VWA3A: variants seen among roughly 807,000 people sequenced by gnomAD.
VWA3A encodes the protein von Willebrand factor A domain containing 3A.
A neutral mutation model predicts 160.4 loss-of-function variants in VWA3A; 134 were observed. That is an observed-to-expected ratio of 0.84 (90% confidence interval 0.73 to 0.96). The LOEUF (loss-of-function observed/expected upper bound fraction) is 0.96, where lower values mean the gene tolerates loss of function less well. Ranked by LOEUF, VWA3A falls within the 40% of genes least tolerant of loss-of-function variation. The probability of loss-of-function intolerance (pLI) is 0.00; values close to 1 mark genes in which losing one functional copy is unlikely to be tolerated. For missense variants in VWA3A, 1,310 were observed against 1,447.9 expected (o/e 0.90, Z 1.55); for synonymous variants, 476 against 543.4 (o/e 0.88, Z 1.72).
At position 22,156,010 on chromosome 16, in the gene VWA3A, AAAT is replaced by A; in HGVS notation, c.*15-18_*15-16del. ...GTGGTCAATAATAACTTTGGTTAAA[AAAT>A]AATGATTCCTCTAAACAGAAAAGTC... On this transcript the variant is annotated intron_variant, in intron 33 of 33. Transcript: ENST00000389398. 7.3e-7 allele frequency: 1 copy of A among 1,365,310 alleles called. No individual in the cohort carries two copies. The highest frequency in any genetic ancestry group is 1.0e-6 in the Non-Finnish European group (1 of 979,618). 84.6% of individuals were successfully genotyped at this position (1,365,310 alleles called of 1,614,324 possible).
At position 22,150,130 on chromosome 16, in the gene VWA3A, G is replaced by A. The variant is rs140421793; in HGVS notation, c.3129+199G>A. Reference sequence around the variant, plus strand: ...ATAGATGAAGACACAGGCTGGGTGCGGTGGCTCACACCTGTAATCCCAGCA... The same window carrying A: ...ATAGATGAAGACACAGGCTGGGTGCAGTGGCTCACACCTGTAATCCCAGCA... On this transcript the variant is annotated intron_variant, in intron 29 of 33. Coordinates refer to ENST00000389398, the MANE Select transcript of VWA3A (RefSeq NM_173615.5). Among the ~76,000 whole-genome samples the A allele has an allele frequency of 3.5e-4, 53 of 152,256 alleles. 1 individual carries two copies. Among genetic ancestry groups the A allele is most frequent in the East Asian group, 3.5e-3 (18 of 5,188 alleles).
chr16:22,096,018 C>A (rs1012137063), intron 1 of VWA3A, among the ~76,000 whole-genome samples: 1 of 152,074 alleles, frequency 6.6e-6, no homozygotes, highest in Non-Finnish European at 1.5e-5. Flanking sequence ...CAACTAGGGA[C>A]AATTCTGCTG....
chr16:22,101,021 T>C (rs2045401193), intron 5 of VWA3A, among the ~76,000 whole-genome samples: 1 of 151,156 alleles, frequency 6.6e-6, no homozygotes, highest in Non-Finnish European at 1.5e-5. Flanking sequence ...GCATGTCTCT[T>C]CCCACTTCTA....
intron 17 of VWA3A, among the ~76,000 whole-genome samples, chr16:22,127,369 G>A (rs1055688838): frequency 2.6e-5 from 4 of 151,930 alleles, no homozygotes; most frequent in East Asian, 1.9e-4. Context: ...CAAGTAATCC[G>A]CCTGCCTCAG....
At chr16:22,124,041 G>A (rs1478944102) in intron 16 of VWA3A, among the ~76,000 whole-genome samples, 1 of 151,936 alleles carries the variant, frequency 6.6e-6, no homozygotes, top group Non-Finnish European at 1.5e-5. Context: ...TGGGCATGGT[G>A]GTGTACACCT....
intron 17 of VWA3A, among the ~76,000 whole-genome samples, chr16:22,129,899 A>T (rs936841394): frequency 3.9e-5 from 6 of 152,190 alleles, no homozygotes; most frequent in African/African-American, 1.4e-4. Flanking sequence ...CTAAAGGAGT[A>T]CCTGAAGGTC....
At chr16:22,147,699 AC>A in intron 27 of VWA3A, 1 of 701,412 alleles carries the variant, frequency 1.4e-6, no homozygotes, top group Non-Finnish European at 2.6e-6. Flanking sequence ...GCCTCTCTCC[AC>A]CCTCGGTTCA....
intron 14 of VWA3A, among the ~76,000 whole-genome samples, chr16:22,122,296 GATGGATGGATGGATGC>G (rs1214713968): frequency 1.6e-4 from 25 of 151,928 alleles, no homozygotes; most frequent in South Asian, 4.2e-4. Flanking sequence ...TGGATGGATG[GATGGATGGATGGATGC>G]ATGGATGGAT....
At chr16:22,155,421 CCTGGAGATATA>C in intron 31 of VWA3A, 135 bp from the exon 32 acceptor site, 1 of 696,322 alleles carries the variant, frequency 1.4e-6, no homozygotes, top group Admixed American at 2.5e-5. Flanking sequence ...GCTTCCTGAC[CCTGGAGATATA>C]CAAGCAGAGG....
chr16:22,145,409 C>T (rs1306639193), intron 26 of VWA3A, among the ~76,000 whole-genome samples: 5 of 152,066 alleles, frequency 3.3e-5, no homozygotes, highest in South Asian at 2.1e-4. Flanking sequence ...GAGGCCAAGG[C>T]GGGCGGATCA....
At chr16:22,140,832 C>T (rs1036509377) in intron 23 of VWA3A, among the ~76,000 whole-genome samples, 2 of 151,862 alleles carry the variant, frequency 1.3e-5, no homozygotes, top group Non-Finnish European at 2.9e-5. Flanking sequence ...GGCTGGTCTA[C>T]AACTCCTGAG....
In VWA3A at chr16:22,110,981, G is replaced by T; in HGVS notation, c.676G>T (p.Val226Phe). ...GTCCCTCTGGCCAGACCCCATGGAA[G>T]TCAGCGCCTCCACGTGAGTGGCTTT... ...AGSLWPDPMEVSASTLQELKL... is the reference protein window; with the variant it reads ...AGSLWPDPMEFSASTLQELKL... The change falls in exon 8 of 34, where the codon GTC (valine) becomes TTC (phenylalanine). Residue 226 changes from valine (V) to phenylalanine (F), a missense_variant. By Grantham distance (50) the Val-to-Phe change is conservative (BLOSUM62 -1). Coordinates refer to ENST00000389398, the MANE Select transcript of VWA3A (RefSeq NM_173615.5). 1 of 1,607,580 alleles carries T rather than the reference G, an allele frequency of 6.2e-7. No homozygotes were observed. The highest frequency in any genetic ancestry group is 1.1e-5 in the South Asian group (1 of 89,504).
intron 3 of VWA3A, among the ~76,000 whole-genome samples, chr16:22,099,313 C>G (rs1196072198): frequency 1.3e-5 from 2 of 152,184 alleles, no homozygotes; most frequent in African/African-American, 4.8e-5. Flanking sequence ...TCAGTCCTCT[C>G]ACTCCTTCAT....
In VWA3A at chr16:22,149,865, T is replaced by G; in HGVS notation, c.3063T>G (p.His1021Gln). ...TLVETTDAAC[H>Q]EAMQWVTHLQ... ...TGGAGACCACAGATGCAGCGTGTCATGAGGCTATGCAATGGGTGACCCACC... is the reference window on the plus strand; with the variant it reads ...TGGAGACCACAGATGCAGCGTGTCAGGAGGCTATGCAATGGGTGACCCACC... The change falls in exon 29 of 34, where the codon CAT becomes CAG. Residue 1021 changes from histidine to glutamine, a missense_variant. Transcript: ENST00000389398. The G allele has an allele frequency of 6.2e-7, 1 of 1,612,974 alleles. No individual in the cohort carries two copies. Among genetic ancestry groups the G allele is most frequent in the Non-Finnish European group, 8.5e-7 (1 of 1,179,256 alleles).
chr16:22,097,000 C>T (rs1348873764), intron 2 of VWA3A, 55 bp downstream of exon 2: 17 of 1,174,742 alleles, frequency 1.4e-5, no homozygotes, highest in African/African-American at 1.6e-5. Flanking sequence ...GATTCTCGCA[C>T]TGTCTCCCAG....
intron 14 of VWA3A, 87 bp from the exon 15 acceptor site, chr16:22,122,998 T>C: frequency 8.7e-7 from 1 of 1,149,792 alleles, no homozygotes; most frequent in South Asian, 1.4e-5. Context: ...TTCACTCTCC[T>C]GCACCTGATT....
intron 6 of VWA3A, among the ~76,000 whole-genome samples, chr16:22,106,516 G>A (rs1011068584): frequency 2.0e-5 from 3 of 152,148 alleles, no homozygotes; most frequent in African/African-American, 7.2e-5. Context: ...GTTCCAAGCA[G>A]AGGAGACAGC....
chr16:22,106,654 G>A (rs907717817), intron 6 of VWA3A, among the ~76,000 whole-genome samples: 3 of 152,140 alleles, frequency 2.0e-5, no homozygotes, highest in African/African-American at 4.8e-5. Context: ...GTTGAAGTCC[G>A]GGAGGGCCTG....
chr16:22,140,058 CA>C, intron 22 of VWA3A, 95 bp from the exon 23 acceptor site: 2 of 1,270,832 alleles, frequency 1.6e-6, no homozygotes, highest in Non-Finnish European at 1.1e-6. Flanking sequence ...CTCCTCCCTA[CA>C]AAAGTTCCTG....
Sources: allele counts gnomAD v4.1 joint callset (sites outside exome capture counted in the v4.1 genomes callset), GRCh38; gene constraint gnomAD v4.1.1; transcripts MANE v1.5; gene names NCBI Gene and HGNC (gene_info 2026-07-23, HGNC 2026-07-21).